XKR6: variants seen among roughly 807,000 people sequenced by gnomAD.
The protein encoded by XKR6 is XK-related protein 6.
A neutral mutation model predicts 56.7 loss-of-function variants in XKR6; 22 were observed. That is an observed-to-expected ratio of 0.39 (90% CI 0.28 to 0.55). XKR6 has a LOEUF of 0.55. Among genes scored for constraint, XKR6 ranks in the 20% least tolerant of loss-of-function variants. The pLI, the probability that XKR6 is intolerant of heterozygous loss-of-function variation, is 0.66. For synonymous variants in XKR6, 524 were observed against 387.8 expected, an observed-to-expected ratio of 1.35 and a Z score of -4.13; for missense variants, 852 against 889.0, an observed-to-expected ratio of 0.96 and a Z score of 0.53.
At chr8:11,087,321 C>G (rs1223787896) in intron 1 of XKR6, among the ~76,000 whole-genome samples, 1 of 152,236 alleles carries the variant, frequency 6.6e-6, no homozygotes, top group Non-Finnish European at 1.5e-5. Flanking sequence ...TCCTTGCTAA[C>G]AGGACCCTGA....
intron 1 of XKR6, among the ~76,000 whole-genome samples, chr8:11,176,500 C>T (rs550800590): frequency 1.1e-4 from 17 of 152,100 alleles, no homozygotes; most frequent in Admixed American, 5.2e-4. Flanking sequence ...TAAAATATTC[C>T]TTTATGCAAC....
intron 1 of XKR6, among the ~76,000 whole-genome samples, chr8:10,969,530 C>T (rs1183509817): frequency 6.6e-6 from 1 of 152,154 alleles, no homozygotes; most frequent in Non-Finnish European, 1.5e-5. Context: ...TGCAGGCATC[C>T]CTGGCCAGAA....
At chr8:11,007,872 C>T (rs1369059330) in intron 1 of XKR6, among the ~76,000 whole-genome samples, 1 of 151,840 alleles carries the variant, frequency 6.6e-6, no homozygotes, top group Non-Finnish European at 1.5e-5. Context: ...TTCGGGAGTG[C>T]ACAACAAGCA....
intron 1 of XKR6, chr8:11,195,232 A>T (rs1412291070): frequency 1.4e-6 from 1 of 700,208 alleles, no homozygotes; most frequent in African/African-American, 1.7e-5. Context: ...CTGCAACATT[A>T]TAAAAAATAA....
chr8:11,030,357 T>C (rs997464678), intron 1 of XKR6, among the ~76,000 whole-genome samples: 2 of 152,196 alleles, frequency 1.3e-5, no homozygotes, highest in African/African-American at 4.8e-5. Context: ...GCTGCCATTG[T>C]TTCTCTGCAG....
chr8:11,132,767 G>GCACGCGCACA (rs1554468040), intron 1 of XKR6, among the ~76,000 whole-genome samples: 6 of 138,192 alleles, frequency 4.3e-5, no homozygotes, highest in African/African-American at 1.7e-4. Context: ...ACACACGCAC[G>GCACGCGCACA]CACACACACA....
intron 1 of XKR6, among the ~76,000 whole-genome samples, chr8:10,985,220 G>A (rs1036246992): frequency 5.9e-5 from 9 of 152,088 alleles, no homozygotes; most frequent in African/African-American, 1.7e-4. Context: ...GGAGGGACCT[G>A]GTGGGAGGTA....
rs559967895 is a variant in XKR6 at position 11,145,181 on chromosome 8, T to A, written c.764+55395A>T. 3.3e-5 allele frequency among the ~76,000 whole-genome samples: 5 copies of A among 152,198 alleles called. No individual in the cohort carries two copies. The East Asian group carries it at 7.7e-4, about 23-fold the overall frequency. On this transcript the variant is annotated intron_variant, in intron 1 of 2. Coordinates refer to ENST00000416569, the MANE Select transcript of XKR6 (RefSeq NM_173683.4). ...AAATGCTCACTGGAGCATTTTGGAT[T>A]TCAGATTTTTGGATTAGATTTTCAG...
At chr8:10,941,152 G>T (rs1427634168) in intron 1 of XKR6, among the ~76,000 whole-genome samples, 2 of 152,066 alleles carry the variant, frequency 1.3e-5, no homozygotes, top group Non-Finnish European at 2.9e-5. Flanking sequence ...TGTCCAACAG[G>T]CTCCTTCTAC....
intron 1 of XKR6, among the ~76,000 whole-genome samples, chr8:11,017,689 T>G (rs1248012412): frequency 6.6e-6 from 1 of 151,756 alleles, no homozygotes; most frequent in Non-Finnish European, 1.5e-5. Flanking sequence ...CAGGGAGGGG[T>G]GCTGGGAAAC....
chr8:11,073,390 TCA>T (rs1800184285), intron 1 of XKR6, among the ~76,000 whole-genome samples: 1 of 152,156 alleles, frequency 6.6e-6, no homozygotes, highest in African/African-American at 2.4e-5. Flanking sequence ...TCCAAAGACC[TCA>T]CAGTCTTTGG....
intron 2 of XKR6, among the ~76,000 whole-genome samples, chr8:10,911,274 T>G (rs924425229): frequency 1.8e-4 from 26 of 143,794 alleles, no homozygotes; most frequent in African/African-American, 2.9e-4. Context: ...TGTATATATA[T>G]AGAGAGAGGG....
At chr8:11,184,624 G>A (rs1277019196) in intron 1 of XKR6, among the ~76,000 whole-genome samples, 1 of 152,108 alleles carries the variant, frequency 6.6e-6, no homozygotes, top group South Asian at 2.1e-4. Context: ...CTGTTTCGAT[G>A]AAAACATTTC....
At chr8:11,198,216 T>C (rs1374167173) in intron 1 of XKR6, among the ~76,000 whole-genome samples, 1 of 152,200 alleles carries the variant, frequency 6.6e-6, no homozygotes, top group African/African-American at 2.4e-5. Context: ...ATGAATGATT[T>C]CAACGCAAAC....
intron 1 of XKR6, among the ~76,000 whole-genome samples, chr8:11,008,988 T>G (rs936956558): frequency 6.6e-6 from 1 of 151,852 alleles, no homozygotes; most frequent in Admixed American, 6.6e-5. Context: ...GATCCTTTCC[T>G]TTTAGATTGT....
chr8:11,063,790 C>G (rs1330492262), intron 1 of XKR6, among the ~76,000 whole-genome samples: 1 of 152,182 alleles, frequency 6.6e-6, no homozygotes, highest in Non-Finnish European at 1.5e-5. Context: ...CTCTTTCCCA[C>G]CTGCAACTTG....
At chr8:10,967,637 G>A (rs747745586) in intron 1 of XKR6, among the ~76,000 whole-genome samples, 6 of 152,242 alleles carry the variant, frequency 3.9e-5, no homozygotes, top group Non-Finnish European at 7.3e-5. Context: ...GGTAACAAGA[G>A]GTGGGGAGGG....
intron 1 of XKR6, among the ~76,000 whole-genome samples, chr8:11,155,616 G>T (rs187785887): frequency 6.6e-6 from 1 of 152,270 alleles, no homozygotes; most frequent in Non-Finnish European, 1.5e-5. Flanking sequence ...GTTTTCTCTG[G>T]ACAATTTCAG....
chr8:11,134,674 T>G (rs770204469), intron 1 of XKR6, among the ~76,000 whole-genome samples: 14 of 152,074 alleles, frequency 9.2e-5, no homozygotes, highest in Non-Finnish European at 1.9e-4. Context: ...CAACCGTTTA[T>G]GAAGGCTATC....
Sources: allele counts gnomAD v4.1 joint callset (sites outside exome capture counted in the v4.1 genomes callset), GRCh38; gene constraint gnomAD v4.1.1; transcripts MANE v1.5; gene names NCBI Gene and HGNC (gene_info 2026-07-23, HGNC 2026-07-21).